ACER3: variants seen among roughly 807,000 people sequenced by gnomAD.
ACER3 encodes alkaline ceramidase 3.
A neutral mutation model predicts 48.9 loss-of-function variants in ACER3; 16 were observed. The ratio of observed to expected loss-of-function variants is 0.33; its 90% CI spans 0.22 to 0.50. The LOEUF (loss-of-function observed/expected upper bound fraction) is 0.50. Ranked by LOEUF, ACER3 falls within the 20% of genes least tolerant of loss-of-function variation. ACER3 has a pLI of 0.98. For missense variants in ACER3, 227 were observed against 326.0 expected (o/e 0.70, Z 2.34); for synonymous variants, 109 against 107.8 (o/e 1.01, Z -0.07).
At chr11:76,889,935 A>G (rs1306325779) in intron 1 of ACER3, among the ~76,000 whole-genome samples, 3 of 151,988 alleles carry the variant, frequency 2.0e-5, no homozygotes, top group Non-Finnish European at 4.4e-5. Flanking sequence ...AATATTTTAA[A>G]AACACTTAAC....
Position 77,025,984 on chromosome 11 carries a change from A to G in ACER3, c.*5657A>G, listed in dbSNP as rs1185600623. On this transcript the variant is annotated 3_prime_UTR_variant, in exon 11 of 11. Coordinates refer to ENST00000532485, the MANE Select transcript of ACER3 (RefSeq NM_018367.7). ...CACATGATTTGTATTTAATATTTAC[A>G]TGACCTAATTATTTTTTCACGTCAG... is the stretch of plus-strand genomic sequence containing the variant. 6.6e-6 allele frequency: 1 copy of G among 152,232 alleles called. No homozygotes were observed. The highest frequency in any genetic ancestry group is 1.5e-5 in the Non-Finnish European group (1 of 68,038). 9.4% of individuals were successfully genotyped at this position (152,232 alleles called of 1,614,324 possible). A position where few individuals can be genotyped will look rare whatever the true frequency, so the allele number is the denominator to read the frequency against.
In ACER3 at chr11:76,872,858, T is replaced by C. The variant is rs139487363; in HGVS notation, c.103+11779T>C. ...GTAGATATGGAATGTGGCCTTAGAG[T>C]CTGCATTCCTTTTTTTCTTTTTCTT... On this transcript the variant is annotated intron_variant, in intron 1 of 10. Transcript: ENST00000532485. 2.5e-3 allele frequency among the ~76,000 whole-genome samples: 385 copies of C among 151,766 alleles called. 2 individuals carry two copies. Among genetic ancestry groups the C allele is most frequent in the African/African-American group, 8.9e-3 (369 of 41,406 alleles).
At position 76,886,966 on chromosome 11, in the gene ACER3, T is replaced by C. The variant is rs116814061; in HGVS notation, c.103+25887T>C. 2.9e-3 allele frequency among the ~76,000 whole-genome samples: 436 copies of C among 152,268 alleles called. 1 individual carries two copies. Among genetic ancestry groups the C allele is most frequent in the Middle Eastern group, 0.02 (6 of 294 alleles). ...GTGCTGGGATTACAGGCGTGAGCCA[T>C]ACCACCATGGGTTTAAGAACTTACT... On this transcript the variant is annotated intron_variant, in intron 1 of 10. Coordinates refer to ENST00000532485, the MANE Select transcript of ACER3 (RefSeq NM_018367.7).
chr11:76,973,037 G>A (rs1402547288), intron 3 of ACER3, among the ~76,000 whole-genome samples: 3 of 152,346 alleles, frequency 2.0e-5, no homozygotes, highest in East Asian at 1.9e-4. Flanking sequence ...AGATAGTAAC[G>A]CCACAGGGCT....
chr11:76,871,297 G>T (rs1012731820), intron 1 of ACER3, among the ~76,000 whole-genome samples: 7 of 152,212 alleles, frequency 4.6e-5, no homozygotes, highest in Admixed American at 2.0e-4. Flanking sequence ...TTTTGCCAAG[G>T]TTAAGGATCA....
chr11:76,983,971 G>A (rs1948638390), intron 4 of ACER3, among the ~76,000 whole-genome samples: 2 of 151,974 alleles, frequency 1.3e-5, no homozygotes, highest in Admixed American at 6.6e-5. Context: ...TGTATTTTTA[G>A]TAGAGATGGG....
At chr11:76,982,283 C>T (rs573436115) in intron 4 of ACER3, among the ~76,000 whole-genome samples, 1 of 145,282 alleles carries the variant, frequency 6.9e-6, no homozygotes, top group Admixed American at 7.1e-5. Flanking sequence ...GTGGTGCGAT[C>T]TCGGCTCACT....
At chr11:76,970,495 T>G (rs1394702734) in intron 3 of ACER3, among the ~76,000 whole-genome samples, 3 of 152,104 alleles carry the variant, frequency 2.0e-5, no homozygotes, top group Admixed American at 6.5e-5. Flanking sequence ...GTGTTCCAGA[T>G]AAAAGGAGAT....
chr11:76,971,611 C>T (rs1259618489), intron 3 of ACER3, among the ~76,000 whole-genome samples: 1 of 151,954 alleles, frequency 6.6e-6, no homozygotes, highest in African/African-American at 2.4e-5. Flanking sequence ...CATGTATGGG[C>T]ATGGCATACA....
intron 3 of ACER3, among the ~76,000 whole-genome samples, chr11:76,961,220 C>T (rs145625652): frequency 1.1e-3 from 164 of 152,090 alleles, no homozygotes; most frequent in African/African-American, 3.7e-3. Context: ...GTCGCAAATA[C>T]GGAAAAGATG....
intron 2 of ACER3, among the ~76,000 whole-genome samples, chr11:76,944,419 G>A (rs1012956450): frequency 1.3e-5 from 2 of 152,036 alleles, no homozygotes; most frequent in African/African-American, 4.8e-5. Flanking sequence ...TTCTCTCTGT[G>A]TTTGCTTCTC....
chr11:76,861,860 G>T (rs1030081121), intron 1 of ACER3, among the ~76,000 whole-genome samples: 3 of 152,174 alleles, frequency 2.0e-5, no homozygotes, highest in African/African-American at 7.2e-5. Context: ...TCCACCGACT[G>T]CACCTTCTGA....
chr11:77,013,821 A>C (rs1037689743), intron 7 of ACER3, among the ~76,000 whole-genome samples: 2 of 152,236 alleles, frequency 1.3e-5, no homozygotes, highest in Admixed American at 1.3e-4. Context: ...AAAACTGGAA[A>C]CCCGCATTTG....
At chr11:76,992,900 G>A (rs946138796) in intron 6 of ACER3, among the ~76,000 whole-genome samples, 16 of 149,584 alleles carry the variant, frequency 1.1e-4, no homozygotes, top group African/African-American at 3.9e-4. Context: ...ATAGAGCCTC[G>A]CCCTGTCACC....
intron 2 of ACER3, among the ~76,000 whole-genome samples, chr11:76,954,541 T>G (rs1304135980): frequency 6.6e-6 from 1 of 152,076 alleles, no homozygotes; most frequent in East Asian, 1.9e-4. Context: ...TTGATTCTCA[T>G]AGCTCTATAA....
intron 3 of ACER3, among the ~76,000 whole-genome samples, chr11:76,975,874 C>CTTTTTTTTTTTTTT (rs34786738): frequency 7.5e-4 from 62 of 82,714 alleles, no homozygotes; most frequent in African/African-American, 1.6e-3. Context: ...TTTTTCTTTT[C>CTTTTTTTTTTTTTT]TTTTTTTTTT....
intron 6 of ACER3, among the ~76,000 whole-genome samples, chr11:76,995,293 G>T (rs1948889062): frequency 6.6e-6 from 1 of 152,054 alleles, no homozygotes; most frequent in East Asian, 1.9e-4. Flanking sequence ...CCACTGCCTA[G>T]GATACTAGTA....
intron 1 of ACER3, among the ~76,000 whole-genome samples, chr11:76,883,032 C>T (rs1945568430): frequency 6.6e-6 from 1 of 152,172 alleles, no homozygotes; most frequent in Non-Finnish European, 1.5e-5. Flanking sequence ...ACCAGCAAGC[C>T]TGTGGTGTTA....
intron 1 of ACER3, among the ~76,000 whole-genome samples, chr11:76,885,524 G>C (rs1306531694): frequency 6.6e-6 from 1 of 152,160 alleles, no homozygotes; most frequent in African/African-American, 2.4e-5. Context: ...ACTTGGGAAA[G>C]CACCAGGGTC....
Sources: allele counts gnomAD v4.1 joint callset (sites outside exome capture counted in the v4.1 genomes callset), GRCh38; gene constraint gnomAD v4.1.1; transcripts MANE v1.5; gene names NCBI Gene and HGNC (gene_info 2026-07-23, HGNC 2026-07-21).